C3orf33: variants seen among roughly 807,000 people sequenced by gnomAD.
C3orf33 encodes the protein AP-1 activity suppressor.
A neutral mutation model predicts 28.7 loss-of-function variants in C3orf33; 23 were observed. The ratio of observed to expected loss-of-function variants is 0.80; its 90% CI spans 0.58 to 1.13. C3orf33 has a LOEUF of 1.13. Among genes scored for constraint, C3orf33 ranks in the 50% most tolerant of loss-of-function variants. The pLI is 0.00. For synonymous variants in C3orf33, 119 were observed against 120.5 expected (o/e 0.99, Z 0.08); for missense variants, 327 against 353.4 (o/e 0.93, Z 0.60).
At chr3:155,771,106 G>GTGTGTA (rs1318305857) in intron 3 of C3orf33, among the ~76,000 whole-genome samples, 16 of 151,006 alleles carry the variant, frequency 1.1e-4, no homozygotes, top group African/African-American at 3.9e-4. Flanking sequence ...GTGTGTGTGT[G>GTGTGTA]TGTGTATGTG....
At chr3:155,771,272 A>T (rs557331227) in intron 3 of C3orf33, among the ~76,000 whole-genome samples, 1 of 151,788 alleles carries the variant, frequency 6.6e-6, no homozygotes, top group East Asian at 1.9e-4. Context: ...GGCCCAGCTA[A>T]TTTTGTTGTT....
intron 2 of C3orf33, among the ~76,000 whole-genome samples, chr3:155,799,117 G>T (rs1219191420): frequency 6.6e-6 from 1 of 152,128 alleles, no homozygotes. Context: ...CAAAAGATAG[G>T]CAATAACAAA....
chr3:155,770,552 C>T (rs17283638), intron 3 of C3orf33, among the ~76,000 whole-genome samples: 2,428 of 152,300 alleles, frequency 0.016, 29 homozygotes, highest in South Asian at 0.04. Flanking sequence ...AAGGTCATTG[C>T]ATTCCTTTAA....
At chr3:155,773,976 TG>T (rs1396253529) in intron 3 of C3orf33, among the ~76,000 whole-genome samples, 2 of 152,112 alleles carry the variant, frequency 1.3e-5, no homozygotes, top group Non-Finnish European at 2.9e-5. Flanking sequence ...CAAGTATGTT[TG>T]GGGGGGAAAA....
intron 4 of C3orf33, 124 bp from the exon 5 acceptor site, chr3:155,764,042 G>A: frequency 1.5e-6 from 1 of 676,284 alleles, no homozygotes; most frequent in Non-Finnish European, 2.1e-6. Flanking sequence ...GGCAAAAATG[G>A]TCCCCAAGGC....
Position 155,767,659 on chromosome 3 carries a change from AC to A in C3orf33, c.332del (p.Arg111LeufsTer11). The A allele has an allele frequency of 6.4e-7, 1 of 1,554,814 alleles. No individual in the cohort carries two copies. Among genetic ancestry groups the A allele is most frequent in the Non-Finnish European group, 8.7e-7 (1 of 1,145,534 alleles). On this transcript the variant is annotated frameshift_variant, in exon 4 of 5. Coordinates refer to ENST00000340171, the MANE Select transcript of C3orf33 (RefSeq NM_001308229.2). LOFTEE classifies it high-confidence loss of function. ...CAGCCAACTTAACCAGCAAAGCACC[AC>A]GTGGCTCTTCTAAAAAGGTTAGGTA... ...PIIASLRKEP[R>X]GALLVKLAGV...
chr3:155,802,367 T>A (rs1306721315), intron 2 of C3orf33, among the ~76,000 whole-genome samples, 165 bp downstream of exon 2: 2 of 152,240 alleles, frequency 1.3e-5, no homozygotes, highest in Non-Finnish European at 2.9e-5. Flanking sequence ...TGTGGATGTG[T>A]TATATTTAAA....
At position 155,806,238 on chromosome 3, in the gene C3orf33, G is replaced by T; in HGVS notation, c.15C>A (p.Pro5=). MAGQ[P]AATGSPSADK... is the part of the protein sequence containing the mutation. ...CGGCAGACGGCGAGCCGGTGGCCGCGGGCTGCCCCGCCATGTTCCCGGCCT... is the reference window on the plus strand; with the variant it reads ...CGGCAGACGGCGAGCCGGTGGCCGCTGGCTGCCCCGCCATGTTCCCGGCCT... The change falls in exon 1 of 5, where the codon CCC becomes CCA. Residue 5 remains proline (P), a synonymous_variant. Coordinates refer to ENST00000340171, the MANE Select transcript of C3orf33 (RefSeq NM_001308229.2). The T allele has an allele frequency of 2.1e-6, 3 of 1,463,350 alleles. No individual in the cohort carries two copies. Among genetic ancestry groups the T allele is most frequent in the Non-Finnish European group, 1.8e-6 (2 of 1,106,340 alleles). The allele number at this position is 1,463,350 out of a possible 1,614,324, so 90.6% of individuals were successfully genotyped here.
intron 4 of C3orf33, among the ~76,000 whole-genome samples, chr3:155,766,409 T>A (rs896399952): frequency 6.6e-6 from 1 of 152,206 alleles, no homozygotes; most frequent in African/African-American, 2.4e-5. Context: ...AGATGACTCA[T>A]CACTGATCAG....
At chr3:155,775,438 G>A (rs1359963100) in intron 3 of C3orf33, among the ~76,000 whole-genome samples, 1 of 147,738 alleles carries the variant, frequency 6.8e-6, no homozygotes, top group Non-Finnish European at 1.5e-5. Context: ...GCAGTGAGCC[G>A]AAATTGCACC....
At chr3:155,802,678 C>A (rs1211484941) in intron 1 of C3orf33, 87 bp from the exon 2 acceptor site, 12 of 970,834 alleles carry the variant, frequency 1.2e-5, no homozygotes, top group Non-Finnish European at 1.9e-5. Context: ...AAAAAGAAGA[C>A]TGTCCTCTCT....
At chr3:155,774,666 C>CTT (rs62815064) in intron 3 of C3orf33, among the ~76,000 whole-genome samples, 1,128 of 95,222 alleles carry the variant, frequency 0.012, 29 homozygotes, top group African/African-American at 0.043. Flanking sequence ...TATTGTTTTG[C>CTT]TTTTTTTTTT....
chr3:155,771,339 T>C (rs1750586424), intron 3 of C3orf33, among the ~76,000 whole-genome samples: 1 of 152,164 alleles, frequency 6.6e-6, no homozygotes, highest in South Asian at 2.1e-4. Context: ...TGGAGTGCAG[T>C]GTCACAATCT....
intron 2 of C3orf33, among the ~76,000 whole-genome samples, chr3:155,793,838 T>TAAAAAAAAAAAAAAAAA (rs1751395135): frequency 1.8e-5 from 2 of 109,628 alleles, no homozygotes; most frequent in Non-Finnish European, 4.3e-5. Flanking sequence ...CTAAAAAAAC[T>TAAAAAAAAAAAAAAAAA]AAAAAAACTA....
At chr3:155,764,441 C>T (rs559200902) in intron 4 of C3orf33, among the ~76,000 whole-genome samples, 73 of 152,238 alleles carry the variant, frequency 4.8e-4, no homozygotes, top group African/African-American at 1.7e-3. Flanking sequence ...AAATAATTAA[C>T]ATAAAAATAG....
intron 2 of C3orf33, among the ~76,000 whole-genome samples, chr3:155,783,640 G>A (rs192378073): frequency 1.7e-4 from 26 of 151,864 alleles, no homozygotes; most frequent in Non-Finnish European, 3.4e-4. Context: ...CTAAGTTTTT[G>A]TATTGTAGTA....
intron 1 of C3orf33, chr3:155,805,621 C>A (rs1307884984): frequency 2.2e-6 from 1 of 454,172 alleles, no homozygotes; most frequent in Admixed American, 2.4e-5. Context: ...ACTCGGGAGG[C>A]TGAAGTGGGA....
intron 2 of C3orf33, among the ~76,000 whole-genome samples, chr3:155,793,012 G>A (rs1027792895): frequency 2.0e-5 from 3 of 151,898 alleles, no homozygotes; most frequent in East Asian, 3.9e-4. Context: ...ACCGAAAGAC[G>A]ATCACTACAA....
chr3:155,786,677 A>C (rs945268460), intron 2 of C3orf33, among the ~76,000 whole-genome samples: 2 of 152,106 alleles, frequency 1.3e-5, no homozygotes, highest in Non-Finnish European at 2.9e-5. Flanking sequence ...AAATACAAAA[A>C]AAAATTAGCT....
Sources: gnomAD v4.1 joint callset for allele counts (sites outside exome capture counted in the v4.1 genomes callset) on GRCh38, gnomAD v4.1.1 for gene constraint, MANE v1.5 for transcripts, NCBI Gene and HGNC (gene_info 2026-07-23, HGNC 2026-07-21) for gene names.